REEP5: variants seen among roughly 807,000 people sequenced by gnomAD.
REEP5 encodes the protein receptor expression-enhancing protein 5.
Under a neutral mutation model 22.4 loss-of-function variants are expected in REEP5, and 24 were observed. The ratio of observed to expected loss-of-function variants is 1.07; its 90% CI spans 0.78 to 1.51. REEP5 has a LOEUF of 1.51. REEP5 is among the 40% of genes most tolerant of loss of function. The pLI is 0.00. For synonymous variants in REEP5, 103 were observed against 88.6 expected (o/e 1.16, Z -0.92); for missense variants, 252 against 233.0 (o/e 1.08, Z -0.53).
chr5:112,920,195 A>G (rs1170077635), intron 2 of REEP5, among the ~76,000 whole-genome samples: 3 of 152,256 alleles, frequency 2.0e-5, no homozygotes, highest in Non-Finnish European at 4.4e-5. Context: ...TGCTCAAATC[A>G]GAACTAACTT....
intron 2 of REEP5, among the ~76,000 whole-genome samples, chr5:112,919,873 C>T (rs1352269087): frequency 6.6e-6 from 1 of 152,170 alleles, no homozygotes; most frequent in Non-Finnish European, 1.5e-5. Flanking sequence ...CTTTAAGCAA[C>T]ATGGATTTTG....
chr5:112,885,558 C>G, intron 4 of REEP5: 1 of 248,652 alleles, frequency 4.0e-6, no homozygotes, highest in East Asian at 1.0e-4. Flanking sequence ...AACTACCTTC[C>G]CAGTATGATA....
chr5:112,892,831 G>C (rs1386868406), intron 3 of REEP5: 6 of 1,613,686 alleles, frequency 3.7e-6, no homozygotes, highest in Admixed American at 1.7e-5. Context: ...CAAAAGAAAT[G>C]GGGAATCCGA....
At chr5:112,922,007 C>A in intron 1 of REEP5, 66 bp downstream of exon 1, 1 of 1,536,576 alleles carries the variant, frequency 6.5e-7, no homozygotes, top group Non-Finnish European at 8.8e-7. Flanking sequence ...CTGCTTCCTT[C>A]CCCAGCAGCT....
At chr5:112,900,683 C>T (rs1768819046) in intron 3 of REEP5, among the ~76,000 whole-genome samples, 2 of 151,884 alleles carry the variant, frequency 1.3e-5, no homozygotes, top group South Asian at 4.2e-4. Flanking sequence ...GTGCCTGGGG[C>T]CCCCCACTCC....
chr5:112,905,671 A>G (rs1237799948), intron 2 of REEP5, among the ~76,000 whole-genome samples: 2 of 151,944 alleles, frequency 1.3e-5, no homozygotes, highest in Admixed American at 1.3e-4. Context: ...CCCAGGCTGG[A>G]GTGCAGTGGC....
chr5:112,879,338 T>TGG (rs1580725553), intron 4 of REEP5, among the ~76,000 whole-genome samples: 1 of 2,036 alleles, frequency 4.9e-4, no homozygotes, highest in Admixed American at 5.4e-3. Flanking sequence ...GGGGGGGGGC[T>TGG]GGGGGGGCGG....
At chr5:112,887,686 G>T (rs769641398) in intron 3 of REEP5, among the ~76,000 whole-genome samples, 1 of 152,064 alleles carries the variant, frequency 6.6e-6, no homozygotes, top group African/African-American at 2.4e-5. Context: ...TCAGTTTTGG[G>T]TAGATCTTAG....
intron 3 of REEP5, chr5:112,898,001 G>C (rs1022161501): frequency 6.6e-6 from 1 of 152,284 alleles, no homozygotes; most frequent in Non-Finnish European, 1.5e-5. Context: ...AGTGGTTGCA[G>C]TGAGCCAAGA....
At chr5:112,908,219 G>T (rs1027387833) in intron 2 of REEP5, among the ~76,000 whole-genome samples, 17 of 148,158 alleles carry the variant, frequency 1.1e-4, no homozygotes, top group African/African-American at 4.2e-4. Flanking sequence ...TCCTGCCTCA[G>T]CCTCCTGAGT....
chr5:112,891,820 C>A (rs1211064830), intron 3 of REEP5: 2 of 1,584,210 alleles, frequency 1.3e-6, no homozygotes, highest in South Asian at 1.1e-5. Context: ...TATTGAAGAA[C>A]AACAACTAGA....
At chr5:112,886,415 C>T (rs1171860775) in intron 4 of REEP5, among the ~76,000 whole-genome samples, 2 of 152,186 alleles carry the variant, frequency 1.3e-5, no homozygotes, top group African/African-American at 4.8e-5. Flanking sequence ...ACATGGAATT[C>T]ATGAATGGCT....
At chr5:112,880,954 C>A (rs1040755692) in intron 4 of REEP5, among the ~76,000 whole-genome samples, 1 of 151,938 alleles carries the variant, frequency 6.6e-6, no homozygotes, top group African/African-American at 2.4e-5. Flanking sequence ...CATGGCATAA[C>A]GGTGTCTCTA....
intron 2 of REEP5, among the ~76,000 whole-genome samples, chr5:112,919,453 CAGG>C (rs1361688466): frequency 6.8e-6 from 1 of 146,164 alleles, no homozygotes; most frequent in African/African-American, 2.6e-5. Flanking sequence ...GAGGCTGAGG[CAGG>C]AGAATTGCTT....
At chr5:112,906,227 G>T (rs146680660) in intron 2 of REEP5, among the ~76,000 whole-genome samples, 58 of 152,320 alleles carry the variant, frequency 3.8e-4, no homozygotes, top group African/African-American at 1.3e-3. Context: ...TATTTGAGCA[G>T]AAGAAACCGA....
chr5:112,910,752 C>T (rs568254678), intron 2 of REEP5, among the ~76,000 whole-genome samples: 5 of 152,214 alleles, frequency 3.3e-5, no homozygotes, highest in African/African-American at 9.7e-5. Context: ...CCTATTACAG[C>T]AACCGGTCAC....
rs150834102 is a variant in REEP5, at chr5:112,889,125, A to G, written c.352-1942T>C. Among the ~76,000 whole-genome samples the G allele has an allele frequency of 3.8e-3, 576 of 150,872 alleles. 46 individuals are homozygous for G. Among genetic ancestry groups the G allele is most frequent in the African/African-American group, 0.014 (553 of 40,596 alleles). Reference sequence around the variant, plus strand: ...CACAACCATGTGGAACTGTGAGTCAATTAAACCTCTTTCCTTTATAAATTG... The same window carrying G: ...CACAACCATGTGGAACTGTGAGTCAGTTAAACCTCTTTCCTTTATAAATTG... On this transcript the variant is annotated intron_variant, in intron 3 of 4. Coordinates refer to ENST00000379638, the MANE Select transcript of REEP5 (RefSeq NM_005669.5).
rs569499230 is a variant in REEP5, at chr5:112,921,585, C to G, written c.119-329G>C. On this transcript the variant is annotated intron_variant, in intron 1 of 4. Coordinates refer to ENST00000379638, the MANE Select transcript of REEP5 (RefSeq NM_005669.5). ...CAGGGCCTGCTGGGCAGCGCTCCAG[C>G]CTGGGAAGCTGCGCTCAGCGGGGAG... 1.3e-5 allele frequency: 5 copies of G among 375,276 alleles called. No individual in the cohort carries two copies. In the East Asian group the frequency reaches 3.0e-4, roughly 22 times the overall value. 23.2% of individuals were successfully genotyped at this position (375,276 alleles called of 1,614,324 possible).
intron 3 of REEP5, chr5:112,892,874 C>G (rs778183229): frequency 6.2e-7 from 1 of 1,612,912 alleles, no homozygotes; most frequent in Non-Finnish European, 8.5e-7. Flanking sequence ...GGGAAGAAAT[C>G]TCACAAACGC....
Sources: gnomAD v4.1 joint callset for allele counts (sites outside exome capture counted in the v4.1 genomes callset) on GRCh38, gnomAD v4.1.1 for gene constraint, MANE v1.5 for transcripts, NCBI Gene and HGNC (gene_info 2026-07-23, HGNC 2026-07-21) for gene names.